Variants in PTPRU observed in about 807,000 individuals in gnomAD.
The protein encoded by PTPRU is protein tyrosine phosphatase receptor type U, also known as receptor-type tyrosine-protein phosphatase U.
A neutral mutation model predicts 166.3 loss-of-function variants in PTPRU; 69 were observed. The observed-to-expected ratio is 0.41, with a 90% CI of 0.34 to 0.51. PTPRU has a LOEUF of 0.51. PTPRU is among the 20% of genes least tolerant of loss of function. PTPRU has a pLI of 0.09. For missense variants in PTPRU, 1,657 were observed against 2,013.7 expected, an observed-to-expected ratio of 0.82 and a Z score of 3.39; for synonymous variants, 793 against 814.0, an observed-to-expected ratio of 0.97 and a Z score of 0.44.
rs555598155 is a variant in PTPRU, at chr1:29,312,716, C to G, written c.3227+10C>G. 4 of 1,594,928 alleles carry G rather than the reference C, an allele frequency of 2.5e-6. No homozygotes were observed. Among genetic ancestry groups the G allele is most frequent in the East Asian group, 2.3e-5 (1 of 44,330 alleles). ...TTGTCATCCACTGCAGGTGGGGGCA[C>G]CGGGAATCCCAAGGAGAAAAGGGGC... On this transcript the variant is annotated intron_variant, in intron 22 of 29. Transcript: ENST00000373779.
chr1:29,312,341 C>T (rs760992474), intron 21 of PTPRU, among the ~76,000 whole-genome samples: 4 of 152,236 alleles, frequency 2.6e-5, no homozygotes, highest in Non-Finnish European at 4.4e-5. Flanking sequence ...GTTGGTTTCT[C>T]TAACCTTGGG....
intron 25 of PTPRU, among the ~76,000 whole-genome samples, chr1:29,319,093 G>T (rs1233979001): frequency 6.6e-6 from 1 of 151,648 alleles, no homozygotes; most frequent in Non-Finnish European, 1.5e-5. Context: ...GATGAGAGAT[G>T]TGAGGGGCCC....
intron 12 of PTPRU, chr1:29,283,674 C>T (rs1686206965): frequency 3.9e-6 from 2 of 508,160 alleles, no homozygotes; most frequent in African/African-American, 3.9e-5. Flanking sequence ...CGCCCCGATG[C>T]CCGAGGCCCC....
intron 1 of PTPRU, among the ~76,000 whole-genome samples, chr1:29,254,165 C>T (rs1216127950): frequency 6.6e-6 from 1 of 152,176 alleles, no homozygotes; most frequent in Non-Finnish European, 1.5e-5. Flanking sequence ...TTTGCGCTTG[C>T]TTCCTCGCCA....
At chr1:29,312,944 G>A (rs1202547630) in intron 22 of PTPRU, among the ~76,000 whole-genome samples, 1 of 152,198 alleles carries the variant, frequency 6.6e-6, no homozygotes, top group Non-Finnish European at 1.5e-5. Context: ...GTGCTGAGGA[G>A]GCACTGGAGA....
chr1:29,249,368 G>A (rs374102186), intron 1 of PTPRU, among the ~76,000 whole-genome samples: 27 of 152,238 alleles, frequency 1.8e-4, no homozygotes, highest in African/African-American at 5.8e-4. Context: ...CGGTTGCTCA[G>A]GCAACCGCCT....
chr1:29,306,170 G>A (rs942241437), intron 18 of PTPRU, among the ~76,000 whole-genome samples: 2 of 152,206 alleles, frequency 1.3e-5, no homozygotes, highest in Non-Finnish European at 2.9e-5. Flanking sequence ...AGCAGGACTT[G>A]GATGGATTGG....
intron 7 of PTPRU, among the ~76,000 whole-genome samples, chr1:29,263,142 G>A (rs1685147163): frequency 6.6e-6 from 1 of 152,104 alleles, no homozygotes; most frequent in African/African-American, 2.4e-5. Flanking sequence ...CCACCACCAT[G>A]CCTGGCTAAT....
chr1:29,274,188 G>A (rs964430724), intron 7 of PTPRU, among the ~76,000 whole-genome samples: 24 of 152,048 alleles, frequency 1.6e-4, no homozygotes, highest in Non-Finnish European at 2.6e-4. Context: ...GCGCCACCAC[G>A]CCTGGCTAAT....
At chr1:29,298,711 TA>T (rs1687005852) in intron 15 of PTPRU, among the ~76,000 whole-genome samples, 1 of 152,154 alleles carries the variant, frequency 6.6e-6, no homozygotes, top group Admixed American at 6.5e-5. Context: ...CAATGCCCCT[TA>T]ATCAGGGAAG....
Position 29,285,928 on chromosome 1 carries a change from A to G in PTPRU, c.2318+1059A>G, listed in dbSNP as rs186756094. Among the ~76,000 whole-genome samples, 412 of 152,346 alleles carry G rather than the reference A, an allele frequency of 2.7e-3. 1 individual carries two copies. The highest frequency in any genetic ancestry group is 4.6e-3 in the Non-Finnish European group (314 of 68,028). On this transcript the variant is annotated intron_variant, in intron 14 of 29. Transcript: ENST00000373779. Reference sequence around the variant, plus strand: ...CCTAGAGGGCACGCAGGGCTGCCCAAGGCTACCCGGAGAGCCAGAGGCAGA... The same window carrying G: ...CCTAGAGGGCACGCAGGGCTGCCCAGGGCTACCCGGAGAGCCAGAGGCAGA...
chr1:29,324,151 T>TCCATCCATCCATCCAC (rs1688296123), intron 28 of PTPRU, among the ~76,000 whole-genome samples: 1 of 152,202 alleles, frequency 6.6e-6, no homozygotes, highest in Non-Finnish European at 1.5e-5. Flanking sequence ...ACTTTTTCCA[T>TCCATCCATCCATCCAC]CCATCCATCC....
intron 18 of PTPRU, chr1:29,306,997 C>A: frequency 1.0e-6 from 1 of 980,052 alleles, no homozygotes; most frequent in Non-Finnish European, 1.6e-6. Context: ...GCCCGGCCTG[C>A]CCGTCTCCGC....
chr1:29,303,723 T>A, intron 15 of PTPRU, 132 bp from the exon 16 acceptor site: 1 of 961,606 alleles, frequency 1.0e-6, no homozygotes, highest in Non-Finnish European at 1.5e-6. Flanking sequence ...CTAGGCTGCT[T>A]GGCTCCAGCC....
intron 8 of PTPRU, 68 bp from the exon 9 acceptor site, chr1:29,278,944 G>C: frequency 7.7e-7 from 1 of 1,298,186 alleles, no homozygotes; most frequent in South Asian, 1.3e-5. Flanking sequence ...GGCAAGGCTG[G>C]AATTTAAACC....
intron 15 of PTPRU, among the ~76,000 whole-genome samples, chr1:29,297,437 T>C (rs6678500): frequency 0.31 from 47,815 of 152,038 alleles, 9,567 homozygotes; most frequent in East Asian, 0.64. Flanking sequence ...CCAGGTTAAA[T>C]AGCCAGAAAG....
chr1:29,311,754 G>T lies in PTPRU; in HGVS notation c.3067G>T (p.Glu1023Ter). 1 of 1,613,794 alleles carries T rather than the reference G, an allele frequency of 6.2e-7. No homozygotes were observed. Among genetic ancestry groups the T allele is most frequent in the Non-Finnish European group, 8.5e-7 (1 of 1,179,760 alleles). Residue 1023 changes from glutamate (E) to a stop codon, truncating the protein, a stop_gained, in exon 21 of 30, where the codon GAG (glutamate) becomes TAG (stop). Transcript: ENST00000373779. LOFTEE classifies it high-confidence loss of function. This position sits in a 1 kb window ranked among gnomAD's most constrained non-coding sequence, Gnocchi z 4.1. ...GTATGTCGTGCGCACTTTTGCCCTGGAGCGGGTGAGTCTCCCCACCGCCTG... is the reference window on the plus strand; with the variant it reads ...GTATGTCGTGCGCACTTTTGCCCTGTAGCGGGTGAGTCTCCCCACCGCCTG... ...AEYVVRTFAL[E>*]RRGYSARHEV...
In PTPRU at chr1:29,325,361, C is replaced by T. The variant is rs113348119; in HGVS notation, c.4248+35C>T. The T allele has an allele frequency of 8.8e-5, 142 of 1,609,772 alleles. No individual in the cohort carries two copies. The African/African-American group carries it at 1.7e-3, about 19-fold the overall frequency. ...TGTGTCCCGTGCCCAGCCACTTCCA[C>T]CTTCCTGGTCCATGCCAGGCCAGGT... On this transcript the variant is annotated intron_variant, in intron 29 of 29. Transcript: ENST00000373779.
chr1:29,320,727 C>A lies in PTPRU; in HGVS notation c.3730C>A (p.Leu1244Met), dbSNP rs551155934. The A allele has an allele frequency of 5.6e-6, 9 of 1,608,192 alleles. No homozygotes were observed. The South Asian group carries it at 9.9e-5, about 18-fold the overall frequency. Residue 1244 changes from leucine to methionine, a missense_variant, in exon 26 of 30, where the codon CTG becomes ATG. By Grantham distance (15) the Leu-to-Met change is conservative. Around this residue, in one of 3 missense-constraint regions of PTPRU, gnomAD observed 1,190 missense variants for 1,477.4 expected, o/e 0.81. Transcript: ENST00000373779. The surrounding 1 kb of genome is among the most constrained non-coding windows in gnomAD (Gnocchi z 5.2). ...GGCCTTCATCGTGACCCTGCACCCGCTGCAGAGCACCACGCCCGACTTCTG... is the reference window on the plus strand; with the variant it reads ...GGCCTTCATCGTGACCCTGCACCCGATGCAGAGCACCACGCCCGACTTCTG... Reference protein sequence around the residue: ...SAAFIVTLHPLQSTTPDFWRL... With the variant: ...SAAFIVTLHPMQSTTPDFWRL...
Sources: allele counts gnomAD v4.1 joint callset (sites outside exome capture counted in the v4.1 genomes callset), GRCh38; gene constraint gnomAD v4.1.1; regional missense constraint gnomAD v4.1.1; non-coding constraint Gnocchi (gnomAD v3.1); transcripts MANE v1.5; gene names NCBI Gene and HGNC (gene_info 2026-07-23, HGNC 2026-07-21).